Variants in LGR5 observed in about 807,000 individuals in gnomAD.
LGR5 encodes the protein leucine-rich repeat-containing G protein-coupled receptor 5.
In LGR5, 54 loss-of-function variants were observed where a neutral mutation model predicts 76.7. The observed-to-expected ratio is 0.70, with a 90% CI of 0.57 to 0.88. The LOEUF is 0.88. LGR5 is among the 40% of genes least tolerant of loss of function. The pLI, the probability that LGR5 is intolerant of heterozygous loss-of-function variation, is 0.00. For synonymous variants in LGR5, 406 were observed against 421.9 expected, an observed-to-expected ratio of 0.96 and a Z score of 0.46; for missense variants, 1,078 against 1,073.3, an observed-to-expected ratio of 1.00 and a Z score of -0.06.
At chr12:71,469,336 T>G (rs1050218126) in intron 1 of LGR5, among the ~76,000 whole-genome samples, 7 of 152,258 alleles carry the variant, frequency 4.6e-5, no homozygotes, top group African/African-American at 1.7e-4. Context: ...TTCTACTAAC[T>G]TCAGTGGAAT....
chr12:71,536,233 C>A (rs1876577996), intron 4 of LGR5, among the ~76,000 whole-genome samples: 1 of 152,164 alleles, frequency 6.6e-6, no homozygotes, highest in South Asian at 2.1e-4. Context: ...GTAAAGAATC[C>A]TTCGGTTAAT....
rs753749884 is a variant in LGR5 at position 71,584,033 on chromosome 12, A to T, written c.2023A>T (p.Lys675Ter). The T allele has an allele frequency of 6.2e-7, 1 of 1,614,208 alleles. No homozygotes were observed. The highest frequency in any genetic ancestry group is 1.1e-5 in the South Asian group (1 of 91,084). The change falls in exon 18 of 18, where the codon AAA (lysine) becomes TAA (stop). Residue 675 changes from lysine to a stop codon, truncating the protein, a stop_gained. Transcript: ENST00000266674. LOFTEE classifies it low-confidence loss of function (END_TRUNC). ...GAAATATTCTGCAAAATTTGAAACG[A>T]AAGCTCCATTTTCTAGCCTGAAAGT... ...SVKYSAKFETKAPFSSLKVII... is the reference protein window; with the variant it reads ...SVKYSAKFET
At chr12:71,569,036 T>G (rs1284295843) in intron 11 of LGR5, among the ~76,000 whole-genome samples, 1 of 152,162 alleles carries the variant, frequency 6.6e-6, no homozygotes, top group African/African-American at 2.4e-5. Context: ...GGTACCTTTA[T>G]ATAAGAAGTG....
At position 71,440,059 on chromosome 12, in the gene LGR5, G is replaced by C. The variant is rs527854331; in HGVS notation, c.-22G>C. The stretch of plus-strand genomic sequence containing the variant: ...GCTGCTCTCCGCCCGCGTCCGGCTC[G>C]TGGCCCCCTACTTCGGGCACCATGG... On this transcript the variant is annotated 5_prime_UTR_variant, in exon 1 of 18. Coordinates refer to ENST00000266674, the MANE Select transcript of LGR5 (RefSeq NM_003667.4). The surrounding 1 kb of genome is among the most constrained non-coding windows in gnomAD (Gnocchi z 5.3). 4.4e-6 allele frequency: 7 copies of C among 1,597,004 alleles called. No individual in the cohort carries two copies. Among genetic ancestry groups the C allele is most frequent in the Non-Finnish European group, 5.1e-6 (6 of 1,178,250 alleles).
intron 7 of LGR5, among the ~76,000 whole-genome samples, chr12:71,561,030 T>G (rs995069490): frequency 2.0e-5 from 3 of 152,146 alleles, no homozygotes; most frequent in African/African-American, 7.2e-5. Flanking sequence ...GTTCTAACAC[T>G]TGGAAAGGAA....
Position 71,583,798 on chromosome 12 carries a change from T to C in LGR5, c.1788T>C (p.Ile596=), listed in dbSNP as rs748183164. 3.7e-6 allele frequency: 6 copies of C among 1,613,972 alleles called. No homozygotes were observed. The Admixed American group carries it at 6.7e-5, about 18-fold the overall frequency. ...ACATTTCCCCCATTAAACTGTTAAT[T>C]GGGGTCATCGCAGCAGTGAACATGC... is the stretch of plus-strand genomic sequence containing the variant. ...PLYISPIKLL[I]GVIAAVNMLT... The change falls in exon 18 of 18, where the codon ATT becomes ATC. Residue 596 remains isoleucine (I), a synonymous_variant. Transcript: ENST00000266674.
intron 11 of LGR5, 40 bp from the exon 12 acceptor site, chr12:71,571,474 T>C (rs1431341463): frequency 7.1e-7 from 1 of 1,412,080 alleles, no homozygotes; most frequent in African/African-American, 1.4e-5. Context: ...TATGATTTAT[T>C]TGTAACAGAT....
At chr12:71,495,101 C>T (rs1874255930) in intron 1 of LGR5, among the ~76,000 whole-genome samples, 1 of 150,886 alleles carries the variant, frequency 6.6e-6, no homozygotes, top group African/African-American at 2.5e-5. Context: ...CTTTGAATCC[C>T]ACTTCTGACA....
chr12:71,484,550 T>C (rs1347105342), intron 1 of LGR5, among the ~76,000 whole-genome samples: 2 of 152,202 alleles, frequency 1.3e-5, no homozygotes, highest in Non-Finnish European at 2.9e-5. Flanking sequence ...AGTGGGGTCT[T>C]TTCCTCTTCA....
chr12:71,505,735 A>G (rs1334871807), intron 2 of LGR5, among the ~76,000 whole-genome samples: 1 of 152,184 alleles, frequency 6.6e-6, no homozygotes, highest in Non-Finnish European at 1.5e-5. Context: ...TTTTGATGGC[A>G]TTATATTTTA....
chr12:71,549,930 T>G (rs1199635399), intron 4 of LGR5, among the ~76,000 whole-genome samples: 2 of 152,204 alleles, frequency 1.3e-5, no homozygotes, highest in Non-Finnish European at 2.9e-5. Context: ...CCAGATTATA[T>G]CCTTTTTTCT....
rs1879208173 is a variant in LGR5 at position 71,584,057 on chromosome 12, G to A, written c.2047G>A (p.Val683Ile). Residue 683 changes from valine to isoleucine, a missense_variant, in exon 18 of 18, where the codon GTA (valine) becomes ATA (isoleucine). Coordinates refer to ENST00000266674, the MANE Select transcript of LGR5 (RefSeq NM_003667.4). The stretch of plus-strand genomic sequence containing the variant: ...GAAAGCTCCATTTTCTAGCCTGAAA[G>A]TAATCATTTTGCTCTGTGCCCTGCT... Reference protein sequence around the residue: ...ETKAPFSSLKVIILLCALLAL... With the variant: ...ETKAPFSSLKIIILLCALLAL... 1.2e-6 allele frequency: 2 copies of A among 1,614,242 alleles called. No individual in the cohort carries two copies. Among genetic ancestry groups the A allele is most frequent in the South Asian group, 2.2e-5 (2 of 91,084 alleles).
intron 6 of LGR5, among the ~76,000 whole-genome samples, chr12:71,558,159 C>T (rs1877870002): frequency 6.6e-6 from 1 of 152,178 alleles, no homozygotes; most frequent in Non-Finnish European, 1.5e-5. Flanking sequence ...CAGTTCCCAT[C>T]AGCTGCTAGG....
chr12:71,460,033 A>G (rs1332330091), intron 1 of LGR5, among the ~76,000 whole-genome samples: 3 of 152,058 alleles, frequency 2.0e-5, no homozygotes, highest in African/African-American at 4.8e-5. Flanking sequence ...CTGTGGAAGC[A>G]GAGAGAAGAA....
At chr12:71,542,870 GA>G (rs139080060) in intron 4 of LGR5, among the ~76,000 whole-genome samples, 7,137 of 143,972 alleles carry the variant, frequency 0.05, 225 homozygotes, top group Middle Eastern at 0.12. Context: ...TGGATGGAAA[GA>G]AAAAAAAAAA....
At chr12:71,444,165 A>G (rs1871885347) in intron 1 of LGR5, among the ~76,000 whole-genome samples, 1 of 152,088 alleles carries the variant, frequency 6.6e-6, no homozygotes, top group Non-Finnish European at 1.5e-5. Context: ...CTTATCTTAA[A>G]TAAAAGAAAA....
At chr12:71,488,350 G>T (rs145686912) in intron 1 of LGR5, among the ~76,000 whole-genome samples, 17 of 152,312 alleles carry the variant, frequency 1.1e-4, no homozygotes, top group Non-Finnish European at 2.4e-4. Flanking sequence ...AAGCCCAAAA[G>T]TCTAAGGGAG....
intron 2 of LGR5, among the ~76,000 whole-genome samples, chr12:71,515,013 C>A (rs1875368086): frequency 6.6e-6 from 1 of 152,170 alleles, no homozygotes; most frequent in Non-Finnish European, 1.5e-5. Context: ...AAGATGAACA[C>A]AAGAAGGTTA....
intron 1 of LGR5, among the ~76,000 whole-genome samples, chr12:71,443,422 T>C (rs1799799313): frequency 6.6e-6 from 1 of 152,186 alleles, no homozygotes; most frequent in Non-Finnish European, 1.5e-5. Context: ...AAAATCTCAG[T>C]CTTCATCTCT....
Sources: allele counts gnomAD v4.1 joint callset (sites outside exome capture counted in the v4.1 genomes callset), GRCh38; gene constraint gnomAD v4.1.1; non-coding constraint Gnocchi (gnomAD v3.1); transcripts MANE v1.5; gene names NCBI Gene and HGNC (gene_info 2026-07-23, HGNC 2026-07-21).